Variants in GPR89B observed in about 807,000 individuals in gnomAD.
The protein encoded by GPR89B is golgi pH regulator B.
In GPR89B, 25 loss-of-function variants were observed where a neutral mutation model predicts 52.4. The observed-to-expected ratio is 0.48, with a 90% CI of 0.35 to 0.67. The LOEUF (loss-of-function observed/expected upper bound fraction) is 0.67. Among genes scored for constraint, GPR89B ranks in the 30% least tolerant of loss-of-function variants. The pLI is 0.01. For missense variants in GPR89B, 146 were observed against 450.2 expected (o/e 0.32, Z 6.11); for synonymous variants, 52 against 151.2 (o/e 0.34, Z 4.81).
the GPR89B span, among the ~76,000 whole-genome samples, chr1:148,008,527 C>T: frequency 6.6e-6 from 1 of 152,086 alleles, no homozygotes; most frequent in Non-Finnish European, 1.5e-5. Context: ...CAAATCATGA[C>T]CTACCACCAG....
At chr1:147,975,649 T>C (rs1442025960) in intron 10 of GPR89B, among the ~76,000 whole-genome samples, 4 of 152,274 alleles carry the variant, frequency 2.6e-5, no homozygotes, top group African/African-American at 9.6e-5. Context: ...TTCGTGTCTC[T>C]ATCTCCTGCA....
chr1:147,985,796 T>C (rs1658620365), intron 10 of GPR89B, among the ~76,000 whole-genome samples: 1 of 152,246 alleles, frequency 6.6e-6, no homozygotes, highest in South Asian at 2.1e-4. Flanking sequence ...TGTTGACTTA[T>C]TAGCTATAAC....
chr1:147,988,075 G>A (rs1481962402), intron 11 of GPR89B, among the ~76,000 whole-genome samples: 35 of 151,796 alleles, frequency 2.3e-4, no homozygotes, highest in Non-Finnish European at 3.2e-4. Context: ...ACTTGCTGCC[G>A]GGCATGGTGA....
chr1:147,947,345 A>G (rs1248722764), intron 5 of GPR89B, among the ~76,000 whole-genome samples: 1 of 152,202 alleles, frequency 6.6e-6, no homozygotes, highest in East Asian at 1.9e-4. Flanking sequence ...AAAAAAAAAA[A>G]AAAAAGATAA....
chr1:147,940,317 G>C (rs1654454682), intron 3 of GPR89B, among the ~76,000 whole-genome samples: 1 of 151,588 alleles, frequency 6.6e-6, no homozygotes, highest in Admixed American at 6.6e-5. Flanking sequence ...GCAGGAGAAT[G>C]GCCTGAACCC....
the GPR89B span, among the ~76,000 whole-genome samples, chr1:148,014,173 G>A: frequency 1.3e-5 from 2 of 151,338 alleles, no homozygotes; most frequent in African/African-American, 4.9e-5. Context: ...GCCTGCCCGG[G>A]ATCCAAGAGC....
chr1:147,987,353 C>T (rs1397860848), intron 11 of GPR89B, among the ~76,000 whole-genome samples: 1 of 151,398 alleles, frequency 6.6e-6, no homozygotes, highest in Non-Finnish European at 1.5e-5. Flanking sequence ...AAACCTGTCT[C>T]TAGAAAAAAT....
chr1:148,008,731 T>G, the GPR89B span, among the ~76,000 whole-genome samples: 3 of 152,158 alleles, frequency 2.0e-5, no homozygotes, highest in African/African-American at 4.8e-5. Context: ...CAAATCACTA[T>G]GTACCTCTTA....
At chr1:147,935,247 A>G (rs1162940925) in intron 1 of GPR89B, among the ~76,000 whole-genome samples, 2 of 152,062 alleles carry the variant, frequency 1.3e-5, no homozygotes, top group Non-Finnish European at 2.9e-5. Flanking sequence ...TCGATGTGAA[A>G]GAATATGGAT....
intron 5 of GPR89B, among the ~76,000 whole-genome samples, chr1:147,948,880 T>C (rs1655243787): frequency 6.6e-6 from 1 of 151,790 alleles, no homozygotes; most frequent in Non-Finnish European, 1.5e-5. Context: ...CAAAGGTCTC[T>C]GGTTTTCCTA....
chr1:147,929,989 A>G, intron 1 of GPR89B, among the ~76,000 whole-genome samples: 1 of 152,262 alleles, frequency 6.6e-6, no homozygotes, highest in Non-Finnish European at 1.5e-5. Context: ...AAGAAAAATA[A>G]CAATATTTAA....
At position 147,991,244 on chromosome 1, in the gene GPR89B, CTGTT is replaced by C. The variant is rs1167245466; in HGVS notation, c.1096-1254_1096-1251del. 7.2e-5 allele frequency among the ~76,000 whole-genome samples: 11 copies of C among 152,010 alleles called. No homozygotes were observed. In the South Asian group the frequency reaches 8.3e-4, roughly 11 times the overall value. On this transcript the variant is annotated intron_variant, in intron 12 of 13. Transcript: ENST00000314163. ...GGGCGTTCACTCATGATTTGGCTCTCTGTTTGTCTGTTATTGGTGTATAAGAATG... is the reference window on the plus strand; with the variant it reads ...GGGCGTTCACTCATGATTTGGCTCTCTGTCTGTTATTGGTGTATAAGAATG...
chr1:148,005,856 C>T, the GPR89B span, among the ~76,000 whole-genome samples: 1 of 151,926 alleles, frequency 6.6e-6, no homozygotes, highest in Non-Finnish European at 1.5e-5. Context: ...CGTAAGTTCC[C>T]CTGATAAATT....
chr1:147,956,552 C>T (rs1338036117), intron 7 of GPR89B, among the ~76,000 whole-genome samples: 1 of 151,802 alleles, frequency 6.6e-6, no homozygotes, highest in Admixed American at 6.6e-5. Context: ...AACCATCCCA[C>T]TTAAAATAGC....
intron 10 of GPR89B, among the ~76,000 whole-genome samples, chr1:147,982,246 G>C (rs1429874766): frequency 6.6e-6 from 1 of 151,482 alleles, no homozygotes; most frequent in South Asian, 2.1e-4. Flanking sequence ...ATTTTTAGTA[G>C]AGACAGGGTT....
chr1:147,952,373 G>A (rs1395104227), intron 5 of GPR89B, among the ~76,000 whole-genome samples: 2 of 151,544 alleles, frequency 1.3e-5, no homozygotes, highest in African/African-American at 4.9e-5. Context: ...AGAATTTGAA[G>A]CCAGCAAGCC....
chr1:147,956,763 A>G (rs1173693241), intron 7 of GPR89B, among the ~76,000 whole-genome samples: 2 of 150,868 alleles, frequency 1.3e-5, no homozygotes, highest in East Asian at 1.9e-4. Flanking sequence ...TTTAAGACGG[A>G]GTCTCACTCT....
the GPR89B span, chr1:148,010,298 C>G: frequency 6.6e-5 from 10 of 152,212 alleles, no homozygotes; most frequent in Admixed American, 6.5e-4. Context: ...GGAAGACAGT[C>G]ATTTTGATCC....
At chr1:148,007,932 C>G in the GPR89B span, among the ~76,000 whole-genome samples, 1 of 152,178 alleles carries the variant, frequency 6.6e-6, no homozygotes, top group Non-Finnish European at 1.5e-5. Flanking sequence ...ACAGAGGATT[C>G]ACGTCCAAGA....
Sources: allele counts gnomAD v4.1 joint callset (sites outside exome capture counted in the v4.1 genomes callset), GRCh38; gene constraint gnomAD v4.1.1; transcripts MANE v1.5; gene names NCBI Gene and HGNC (gene_info 2026-07-23, HGNC 2026-07-21).